Variants in ASXL3 observed in about 807,000 individuals in gnomAD.
The protein encoded by ASXL3 is ASXL transcriptional regulator 3.
In ASXL3, 34 loss-of-function variants were observed where a neutral mutation model predicts 170.6. The observed-to-expected ratio is 0.20, with a 90% confidence interval of 0.15 to 0.27. The LOEUF is 0.27. Ranked by LOEUF, ASXL3 falls within the 10% of genes least tolerant of loss-of-function variation. ASXL3 has a pLI of 1.00. For synonymous variants in ASXL3, 1,002 were observed against 989.1 expected (o/e 1.01, Z -0.24); for missense variants, 2,592 against 2,695.3 (o/e 0.96, Z 0.85).
At chr18:33,727,070 A>G (rs1397937031) in intron 8 of ASXL3, among the ~76,000 whole-genome samples, 2 of 152,118 alleles carry the variant, frequency 1.3e-5, no homozygotes, top group East Asian at 1.9e-4. Flanking sequence ...TAGAGCCGCA[A>G]TCATCTTCCC....
intron 7 of ASXL3, among the ~76,000 whole-genome samples, chr18:33,679,099 C>T (rs2066475645): frequency 6.6e-6 from 1 of 152,128 alleles, no homozygotes; most frequent in Non-Finnish European, 1.5e-5. Flanking sequence ...ACATTTTTCT[C>T]AGTTTTCTAA....
At chr18:33,742,187 G>A (rs1243953092) in intron 11 of ASXL3, among the ~76,000 whole-genome samples, 1 of 152,190 alleles carries the variant, frequency 6.6e-6, no homozygotes, top group East Asian at 1.9e-4. Flanking sequence ...GACAAATGTA[G>A]TCTCATTCCA....
At position 33,594,553 on chromosome 18, in the gene ASXL3, A is replaced by G. The variant is rs551734834; in HGVS notation, c.55-13041A>G. On this transcript the variant is annotated intron_variant, in intron 1 of 11. Coordinates refer to ENST00000269197, the MANE Select transcript of ASXL3 (RefSeq NM_030632.3). ...CAACCCCTATTTCATAGCAACAAAC[A>G]TTGGCTGATTGAAACCAGTCCTGCT... 2.0e-5 allele frequency among the ~76,000 whole-genome samples: 3 copies of G among 152,278 alleles called. No individual in the cohort carries two copies. The East Asian group carries it at 5.8e-4, about 29-fold the overall frequency.
chr18:33,607,438 G>C (rs1001595158), intron 1 of ASXL3, among the ~76,000 whole-genome samples, 156 bp from the exon 2 acceptor site: 16 of 151,798 alleles, frequency 1.1e-4, no homozygotes, highest in Admixed American at 1.1e-3. Context: ...AAAAAATTAC[G>C]TTCTTCCTTT....
chr18:33,601,665 G>T (rs528379052), intron 1 of ASXL3, among the ~76,000 whole-genome samples: 1 of 151,876 alleles, frequency 6.6e-6, no homozygotes, highest in African/African-American at 2.4e-5. Flanking sequence ...GAGGTTTACA[G>T]TGAGCAGGAA....
rs1304021918 is a variant in ASXL3, at chr18:33,739,812, A to G, written c.2408A>G (p.Asn803Ser). Reference protein sequence around the residue: ...LGENLTSQQKNLSNTPEPIIM... With the variant: ...LGENLTSQQKSLSNTPEPIIM... The stretch of plus-strand genomic sequence containing the variant: ...GAGAACCTTACCTCCCAGCAGAAGA[A>G]TCTGTCTAATACTCCCGAACCCATC... The change falls in exon 11 of 12, where the codon AAT becomes AGT. Residue 803 changes from asparagine (N) to serine (S), a missense_variant. Asn to Ser is a conservative substitution (Grantham distance 46). Coordinates refer to ENST00000269197, the MANE Select transcript of ASXL3 (RefSeq NM_030632.3). 1.2e-6 allele frequency: 2 copies of G among 1,613,846 alleles called. No homozygotes were observed. The highest frequency in any genetic ancestry group is 2.2e-5 in the South Asian group (2 of 91,070).
At position 33,743,880 on chromosome 18, in the gene ASXL3, C is replaced by G. The variant is rs1336168629; in HGVS notation, c.4032C>G (p.Pro1344=). 10 of 1,614,042 alleles carry G rather than the reference C, an allele frequency of 6.2e-6. No homozygotes were observed. In the Admixed American group the frequency reaches 1.5e-4, roughly 24 times the overall value. The change falls in exon 12 of 12, where the codon CCC becomes CCG. Residue 1344 remains proline, a synonymous_variant. Transcript: ENST00000269197. ...VSTQYTSVPT[P]SIGNNLPNLS... is the part of the protein sequence containing the mutation. Reference sequence around the variant, plus strand: ...CTCAGTACACCTCTGTGCCAACTCCCTCCATCGGAAACAATTTGCCAAACC... The same window carrying G: ...CTCAGTACACCTCTGTGCCAACTCCGTCCATCGGAAACAATTTGCCAAACC...
At chr18:33,602,911 C>G (rs2065199900) in intron 1 of ASXL3, among the ~76,000 whole-genome samples, 1 of 150,718 alleles carries the variant, frequency 6.6e-6, no homozygotes, top group African/African-American at 2.4e-5. Flanking sequence ...TTGTTATAAC[C>G]CCAAAATCGT....
At chr18:33,603,923 T>C (rs2065214971) in intron 1 of ASXL3, among the ~76,000 whole-genome samples, 1 of 152,090 alleles carries the variant, frequency 6.6e-6, no homozygotes, top group Non-Finnish European at 1.5e-5. Flanking sequence ...GACAGTGATA[T>C]GTGGCCAGTG....
intron 2 of ASXL3, among the ~76,000 whole-genome samples, chr18:33,628,862 A>G (rs1241700623): frequency 6.6e-6 from 1 of 152,178 alleles, no homozygotes; most frequent in Non-Finnish European, 1.5e-5. Flanking sequence ...TCTGGATTTC[A>G]GTAAATGGTT....
At chr18:33,708,400 C>G (rs1384131118) in intron 8 of ASXL3, among the ~76,000 whole-genome samples, 1 of 152,108 alleles carries the variant, frequency 6.6e-6, no homozygotes, top group Non-Finnish European at 1.5e-5. Flanking sequence ...TGTTGATAAA[C>G]TTTGACATAT....
rs1004234502 is a variant in ASXL3 at position 33,622,519 on chromosome 18, T to C, written c.137+14843T>C. Reference sequence around the variant, plus strand: ...GATGTGTAAGTTTGCATGGGTATCATGGAGTCCCAAAATTTAAATGACATA... The same window carrying C: ...GATGTGTAAGTTTGCATGGGTATCACGGAGTCCCAAAATTTAAATGACATA... On this transcript the variant is annotated intron_variant, in intron 2 of 11. Transcript: ENST00000269197. 2.4e-4 allele frequency among the ~76,000 whole-genome samples: 36 copies of C among 152,176 alleles called. 1 individual carries two copies. The highest frequency in any genetic ancestry group is 2.2e-3 in the Admixed American group (33 of 15,260).
At chr18:33,659,997 A>C (rs189116747) in intron 4 of ASXL3, among the ~76,000 whole-genome samples, 146 of 152,154 alleles carry the variant, frequency 9.6e-4, no homozygotes, top group Non-Finnish European at 1.9e-3. Flanking sequence ...CATGCAACTA[A>C]ATTATGCTTC....
chr18:33,745,175 A>G lies in ASXL3; in HGVS notation c.5327A>G (p.Asn1776Ser), dbSNP rs761507887. Reference protein sequence around the residue: ...QPRLGAKLEINRLPLPLQTTS... With the variant: ...QPRLGAKLEISRLPLPLQTTS... ...AGATTGGGAGCCAAGCTTGAAATCA[A>G]CAGGCTTCCATTGCCTCTTCAAACT... The change falls in exon 12 of 12, where the codon AAC (asparagine) becomes AGC (serine). Residue 1776 changes from asparagine to serine, a missense_variant. Transcript: ENST00000269197. 7 of 1,613,998 alleles carry G rather than the reference A, an allele frequency of 4.3e-6. No individual in the cohort carries two copies. Among genetic ancestry groups the G allele is most frequent in the Non-Finnish European group, 5.9e-6 (7 of 1,179,894 alleles).
At chr18:33,636,592 G>A (rs368939194) in intron 2 of ASXL3, among the ~76,000 whole-genome samples, 1 of 152,110 alleles carries the variant, frequency 6.6e-6, no homozygotes, top group Admixed American at 6.6e-5. Flanking sequence ...TCAGGTGAAC[G>A]TAGTTGGGGC....
At chr18:33,708,923 A>G (rs1033396423) in intron 8 of ASXL3, among the ~76,000 whole-genome samples, 1 of 152,180 alleles carries the variant, frequency 6.6e-6, no homozygotes, top group African/African-American at 2.4e-5. Context: ...TGATTGAACA[A>G]TTTTGCTACA....
intron 5 of ASXL3, among the ~76,000 whole-genome samples, chr18:33,664,770 G>A (rs2066231900): frequency 6.6e-6 from 1 of 152,194 alleles, no homozygotes; most frequent in Admixed American, 6.5e-5. Flanking sequence ...TAGCACTGTT[G>A]ATTGCAGTGT....
rs1422162067 is a variant in ASXL3, at chr18:33,747,379, T to G, written c.*784T>G. 1 of 150,780 alleles carries G rather than the reference T, an allele frequency of 6.6e-6. No homozygotes were observed. The highest frequency in any genetic ancestry group is 2.4e-5 in the African/African-American group (1 of 40,910). The allele number at this position is 150,780 out of a possible 1,614,324, so 9.3% of individuals were successfully genotyped here. A position where few individuals can be genotyped will look rare whatever the true frequency, so the allele number is the denominator to read the frequency against. ...CAATAGCCATAAGCCCAGAGGATTT[T>G]AGAGCTTCATGTGTGGCTTTTAAGA... On this transcript the variant is annotated 3_prime_UTR_variant, in exon 12 of 12. Transcript: ENST00000269197.
chr18:33,585,572 G>A (rs938751383), intron 1 of ASXL3, among the ~76,000 whole-genome samples: 1 of 152,130 alleles, frequency 6.6e-6, no homozygotes, highest in Non-Finnish European at 1.5e-5. Context: ...TTGGGAATAG[G>A]CAGGTCTCCT....
Sources: allele counts gnomAD v4.1 joint callset (sites outside exome capture counted in the v4.1 genomes callset), GRCh38; gene constraint gnomAD v4.1.1; transcripts MANE v1.5; gene names NCBI Gene and HGNC (gene_info 2026-07-23, HGNC 2026-07-21).